The following TNIK variants were observed in gnomAD, a reference collection of about 807,000 sequenced individuals.
TNIK encodes TRAF2 and NCK-interacting protein kinase.
Under a neutral mutation model 191.3 loss-of-function variants are expected in TNIK, and 49 were observed. The observed-to-expected ratio is 0.26, with a 90% CI of 0.20 to 0.32. The LOEUF is 0.32. Ranked by LOEUF, TNIK falls within the 10% of genes least tolerant of loss-of-function variation. The probability of loss-of-function intolerance (pLI) is 1.00; values close to 1 mark genes in which losing one functional copy is unlikely to be tolerated. For synonymous variants in TNIK, 594 were observed against 600.9 expected, an observed-to-expected ratio of 0.99 and a Z score of 0.17; for missense variants, 1,155 against 1,702.3, an observed-to-expected ratio of 0.68 and a Z score of 5.66.
At chr3:171,325,942 C>T (rs1256125271) in intron 2 of TNIK, among the ~76,000 whole-genome samples, 3 of 152,222 alleles carry the variant, frequency 2.0e-5, no homozygotes, top group Middle Eastern at 3.2e-3. Flanking sequence ...ATTGTGCCCA[C>T]TCTTCTCGAG....
intron 32 of TNIK, among the ~76,000 whole-genome samples, chr3:171,064,615 A>C (rs1718192839): frequency 6.6e-6 from 1 of 152,216 alleles, no homozygotes; most frequent in African/African-American, 2.4e-5. Context: ...AATGAGGAGA[A>C]CCACAGTCCA....
At chr3:171,446,018 T>C (rs1315665661) in intron 1 of TNIK, among the ~76,000 whole-genome samples, 2 of 152,212 alleles carry the variant, frequency 1.3e-5, no homozygotes, top group Non-Finnish European at 2.9e-5. Context: ...AGCAGAGTCA[T>C]CGAGTGCAGA....
chr3:171,241,177 C>T (rs13060896), intron 2 of TNIK, among the ~76,000 whole-genome samples: 10,297 of 151,986 alleles, frequency 0.068, 427 homozygotes, highest in Middle Eastern at 0.12. Flanking sequence ...ATTACAGGTG[C>T]GCACCACCAC....
chr3:171,334,318 G>A (rs144683016), intron 2 of TNIK, among the ~76,000 whole-genome samples: 12 of 152,258 alleles, frequency 7.9e-5, no homozygotes, highest in Non-Finnish European at 8.8e-5. Context: ...CACTGTGACC[G>A]TAGAAACTGG....
chr3:171,219,157 AATAC>A (rs1417573504), intron 3 of TNIK, among the ~76,000 whole-genome samples: 2 of 69,926 alleles, frequency 2.9e-5, no homozygotes, highest in East Asian at 5.3e-4. Context: ...TAAAATATAT[AATAC>A]ATATTCATAT....
intron 2 of TNIK, among the ~76,000 whole-genome samples, chr3:171,252,717 T>C (rs1451081210): frequency 7.2e-5 from 11 of 152,182 alleles, no homozygotes; most frequent in Non-Finnish European, 7.3e-5. Context: ...ATCAGCTAGG[T>C]TAGTTTTATC....
At chr3:171,353,639 G>T (rs140330074) in intron 2 of TNIK, among the ~76,000 whole-genome samples, 2 of 151,908 alleles carry the variant, frequency 1.3e-5, no homozygotes, top group Non-Finnish European at 2.9e-5. Context: ...GATGACTCAG[G>T]ATTAAAAAAA....
chr3:171,255,135 T>C (rs1040932605), intron 2 of TNIK, among the ~76,000 whole-genome samples: 5 of 135,764 alleles, frequency 3.7e-5, no homozygotes, highest in African/African-American at 1.4e-4. Context: ...GACTTTGAGG[T>C]TGCAATATGT....
intron 1 of TNIK, among the ~76,000 whole-genome samples, chr3:171,391,872 A>G (rs1402123402): frequency 6.6e-6 from 1 of 152,164 alleles, no homozygotes; most frequent in Non-Finnish European, 1.5e-5. Context: ...ATGCAAACCA[A>G]CCTTCAGTTT....
At chr3:171,214,504 G>A (rs376809735) in intron 3 of TNIK, among the ~76,000 whole-genome samples, 13 of 152,208 alleles carry the variant, frequency 8.5e-5, no homozygotes, top group African/African-American at 2.4e-4. Flanking sequence ...CACAGGCTAC[G>A]AGAATTTGAA....
intron 3 of TNIK, among the ~76,000 whole-genome samples, chr3:171,218,003 T>C (rs1172864412): frequency 6.6e-6 from 1 of 152,186 alleles, no homozygotes; most frequent in Non-Finnish European, 1.5e-5. Flanking sequence ...GCAAAAGACC[T>C]GGTAATAATA....
intron 1 of TNIK, among the ~76,000 whole-genome samples, chr3:171,447,241 C>T (rs973015008): frequency 2.6e-5 from 4 of 151,678 alleles, no homozygotes; most frequent in Non-Finnish European, 4.4e-5. Context: ...CCTAGATACA[C>T]TCCACAAGAA....
intron 12 of TNIK, among the ~76,000 whole-genome samples, chr3:171,146,026 T>G (rs1418918451): frequency 3.3e-5 from 5 of 152,246 alleles, no homozygotes; most frequent in African/African-American, 1.2e-4. Context: ...GTTTTCAGTG[T>G]GATCTCAGAA....
intron 2 of TNIK, among the ~76,000 whole-genome samples, chr3:171,234,837 G>A (rs972562096): frequency 2.0e-5 from 3 of 152,184 alleles, no homozygotes; most frequent in African/African-American, 7.2e-5. Context: ...CAGACAAGAT[G>A]AGGGGTGACG....
rs141214907 is a variant in TNIK at position 171,170,058 on chromosome 3, CCTCA to C, written c.774-2792_774-2789del. 5.3e-3 allele frequency among the ~76,000 whole-genome samples: 812 copies of C among 152,298 alleles called. 4 individuals are homozygous for C. Among genetic ancestry groups the C allele is most frequent in the Non-Finnish European group, 7.2e-3 (487 of 68,024 alleles). On this transcript the variant is annotated intron_variant, in intron 9 of 32. Coordinates refer to ENST00000436636, the MANE Select transcript of TNIK (RefSeq NM_015028.4). The stretch of plus-strand genomic sequence containing the variant: ...AACACTTCACCTATGTTGAATATTA[CCTCA>C]CTGTTTGCTGAGTGTTCTAATGAGT...
intron 1 of TNIK, among the ~76,000 whole-genome samples, chr3:171,424,600 T>C (rs1291300935): frequency 6.6e-6 from 1 of 152,098 alleles, no homozygotes; most frequent in East Asian, 1.9e-4. Context: ...CCAACAGTGA[T>C]AGACTGGATT....
chr3:171,252,227 A>C (rs1172518476), intron 2 of TNIK, among the ~76,000 whole-genome samples: 2 of 152,338 alleles, frequency 1.3e-5, no homozygotes, highest in African/African-American at 4.8e-5. Flanking sequence ...TATGTTCACC[A>C]GTTAGTTACA....
At chr3:171,145,133 C>A (rs1462684293) in intron 12 of TNIK, among the ~76,000 whole-genome samples, 1 of 147,750 alleles carries the variant, frequency 6.8e-6, no homozygotes, top group Non-Finnish European at 1.5e-5. Flanking sequence ...GTCGCCCAGG[C>A]TGGAGTACAG....
intron 31 of TNIK, 31 bp downstream of exon 31, chr3:171,066,545 T>C: frequency 6.2e-7 from 1 of 1,613,158 alleles, no homozygotes; most frequent in Non-Finnish European, 8.5e-7. Context: ...GGGGTGTAAC[T>C]GCTGAAGGAG....
Sources: allele counts gnomAD v4.1 joint callset (sites outside exome capture counted in the v4.1 genomes callset), GRCh38; gene constraint gnomAD v4.1.1; transcripts MANE v1.5; gene names NCBI Gene and HGNC (gene_info 2026-07-23, HGNC 2026-07-21).